Variants in PHYKPL observed in about 807,000 individuals in gnomAD.
PHYKPL encodes 5-phosphohydroxy-L-lysine phospho-lyase, also known as 5-phosphonooxy-L-lysine phospho-lyase.
Under a neutral mutation model 51.3 loss-of-function variants are expected in PHYKPL, and 42 were observed. That is an observed-to-expected ratio of 0.82 (90% CI 0.64 to 1.06). The LOEUF (loss-of-function observed/expected upper bound fraction) is 1.06. Ranked by LOEUF, PHYKPL falls within the 50% of genes least tolerant of loss-of-function variation. PHYKPL has a pLI of 0.00. For missense variants in PHYKPL, 655 were observed against 586.6 expected, an observed-to-expected ratio of 1.12 and a Z score of -1.20; for synonymous variants, 264 against 236.0, an observed-to-expected ratio of 1.12 and a Z score of -1.09.
At position 178,211,927 on chromosome 5, in the gene PHYKPL, C is replaced by A; in HGVS notation, c.1347G>T (p.Gln449His). The change falls in exon 12 of 13, where the codon CAG (glutamine) becomes CAT (histidine). Residue 449 changes from glutamine to histidine, a missense_variant. Coordinates refer to ENST00000308158, the MANE Select transcript of PHYKPL (RefSeq NM_153373.4). ...KVRSCETLRLQP is the reference protein window; with the variant it reads ...KVRSCETLRLHP ...TAGGCAGAGCAGGGCTGGCTTAGGG[C>A]TGGAGCCTCAGCGTTTCACAACTTC... The A allele has an allele frequency of 6.2e-7, 1 of 1,613,340 alleles. No individual in the cohort carries two copies. The highest frequency in any genetic ancestry group is 8.5e-7 in the Non-Finnish European group (1 of 1,179,228).
At position 178,229,783 on chromosome 5, in the gene PHYKPL, C is replaced by T. The variant is rs1007022932; in HGVS notation, c.338+157G>A. 1.5e-5 allele frequency: 12 copies of T among 816,154 alleles called. No homozygotes were observed. In the African/African-American group the frequency reaches 2.1e-4, roughly 14 times the overall value. 50.6% of individuals were successfully genotyped at this position (816,154 alleles called of 1,614,324 possible). ...AGGAAACTGGATCCAACAGAGAAAGCATCAGGGCCTACAGCCGGGAATCTC... is the reference window on the plus strand; with the variant it reads ...AGGAAACTGGATCCAACAGAGAAAGTATCAGGGCCTACAGCCGGGAATCTC... On this transcript the variant is annotated intron_variant, in intron 3 of 12. Coordinates refer to ENST00000308158, the MANE Select transcript of PHYKPL (RefSeq NM_153373.4).
At position 178,232,480 on chromosome 5, in the gene PHYKPL, C is replaced by G. The variant is rs773846659; in HGVS notation, c.59+12G>C. 11 of 1,366,006 alleles carry G rather than the reference C, an allele frequency of 8.1e-6. No homozygotes were observed. The highest frequency in any genetic ancestry group is 1.5e-5 in the African/African-American group (1 of 65,442). The allele number at this position is 1,366,006 out of a possible 1,614,324, so 84.6% of individuals were successfully genotyped here. A position where few individuals can be genotyped will look rare whatever the true frequency, so the allele number is the denominator to read the frequency against. On this transcript the variant is annotated intron_variant, in intron 1 of 12. Coordinates refer to ENST00000308158, the MANE Select transcript of PHYKPL (RefSeq NM_153373.4). ...CCCCGCGCCCCCCGCCGCCCGCCCC[C>G]CGCCCGGGTACCTGATGAGCCGTTG...
chr5:178,210,767 A>T, intron 12 of PHYKPL: 1 of 682,142 alleles, frequency 1.5e-6, no homozygotes, highest in Non-Finnish European at 2.6e-6. Flanking sequence ...CATGGAAATC[A>T]CTCTCCTGTT....
Position 178,231,334 on chromosome 5 carries a change from G to A in PHYKPL, c.178+71C>T. On this transcript the variant is annotated intron_variant, in intron 2 of 12. Transcript: ENST00000308158. ...TTCTCCACACCTCTCGGCAATCTCA[G>A]GTCACCTTGGGACCAGGTTCACAGC... 3.7e-6 allele frequency: 6 copies of A among 1,609,330 alleles called. No homozygotes were observed. In the South Asian group the frequency reaches 4.4e-5, roughly 12 times the overall value.
intron 1 of PHYKPL, chr5:178,232,245 C>T (rs768982203): frequency 1.6e-5 from 20 of 1,236,314 alleles, no homozygotes; most frequent in Non-Finnish European, 1.9e-5. Context: ...GTCTCCTGAA[C>T]TGGGCGGCCT....
intron 3 of PHYKPL, chr5:178,228,384 T>G (rs747664271): frequency 1.8e-4 from 112 of 618,416 alleles, no homozygotes; most frequent in Non-Finnish European, 2.7e-4. Context: ...TGGGACAGAG[T>G]AAGACAATGC....
rs549466724 is a variant in PHYKPL, at chr5:178,211,069, ATGTAT to A, written c.*31+816_*31+820del. On this transcript the variant is annotated intron_variant, in intron 12 of 12. Transcript: ENST00000308158. ...CTTTTTGGTACCTTTTGGGAATCTA[ATGTAT>A]TGTAAGGTATTTTACACGTGTCCTG... The A allele has an allele frequency of 1.8e-4, 34 of 187,888 alleles. 1 individual carries two copies. The South Asian group carries it at 2.9e-3, about 16-fold the overall frequency. The allele number at this position is 187,888 out of a possible 1,614,324, so 11.6% of individuals were successfully genotyped here.
Position 178,211,746 on chromosome 5 carries a change from G to C in PHYKPL, c.*31+144C>G. On this transcript the variant is annotated intron_variant, in intron 12 of 12. Coordinates refer to ENST00000308158, the MANE Select transcript of PHYKPL (RefSeq NM_153373.4). Reference sequence around the variant, plus strand: ...AGCTAAGCATTGGAGAATTTCCAGTGTTGAAGAAACTAACCTTTGGGAAGG... The same window carrying C: ...AGCTAAGCATTGGAGAATTTCCAGTCTTGAAGAAACTAACCTTTGGGAAGG... 8.1e-6 allele frequency: 5 copies of C among 617,420 alleles called. No individual in the cohort carries two copies. The South Asian group carries it at 1.0e-4, about 12-fold the overall frequency. 38.2% of individuals were successfully genotyped at this position (617,420 alleles called of 1,614,324 possible).
intron 4 of PHYKPL, among the ~76,000 whole-genome samples, 187 bp downstream of exon 4, chr5:178,225,168 G>C (rs1363934225): frequency 6.6e-6 from 1 of 152,184 alleles, no homozygotes; most frequent in Non-Finnish European, 1.5e-5. Context: ...TGCCTTCCCA[G>C]AATGGTGGCC....
chr5:178,232,070 T>G (rs67412107), intron 1 of PHYKPL: 67,317 of 1,188,814 alleles, frequency 0.057, 2,542 homozygotes, highest in South Asian at 0.17. Flanking sequence ...GACTCTCCCT[T>G]GTCTGCCCTT....
chr5:178,226,594 G>T (rs1247704622), intron 3 of PHYKPL: 1 of 152,210 alleles, frequency 6.6e-6, no homozygotes, highest in Non-Finnish European at 1.5e-5. Flanking sequence ...TAGAACCTCT[G>T]TATGTTCAGT....
intron 7 of PHYKPL, 86 bp downstream of exon 7, chr5:178,222,766 A>G (rs1163777142): frequency 6.7e-7 from 1 of 1,485,998 alleles, no homozygotes; most frequent in Non-Finnish European, 9.3e-7. Context: ...CAGTCAGGAC[A>G]GGCTGAGGTT....
Position 178,229,964 on chromosome 5 carries a change from C to G in PHYKPL, c.314G>C (p.Cys105Ser). 3 of 1,614,126 alleles carry G rather than the reference C, an allele frequency of 1.9e-6. No homozygotes were observed. Among genetic ancestry groups the G allele is most frequent in the Non-Finnish European group, 2.5e-6 (3 of 1,179,956 alleles). Reference protein sequence around the residue: ...RLSETLPEQLCVFYFLNSGSE... With the variant: ...RLSETLPEQLSVFYFLNSGSE... ...CCCAGAATTCAGGAAATAGAACACA[C>G]AGAGCTGCTCCGGCAGGGTCTCTGA... Residue 105 changes from cysteine to serine, a missense_variant, in exon 3 of 13, where the codon TGT becomes TCT. Physicochemically the swap from Cys to Ser is moderately radical, Grantham distance 112. Coordinates refer to ENST00000308158, the MANE Select transcript of PHYKPL (RefSeq NM_153373.4).
chr5:178,209,438 G>A (rs770373329), intron 12 of PHYKPL: 10 of 1,613,674 alleles, frequency 6.2e-6, no homozygotes, highest in Non-Finnish European at 8.5e-6. Flanking sequence ...AGGTGGTGGT[G>A]GAGGTGGAGG....
chr5:178,222,577 G>A lies in PHYKPL; in HGVS notation c.705C>T (p.His235=). ...CAAAGACCCCTCCGGCCTTGCGGAT[G>A]TGCCTGTGGCAGAGGAGATGACTGA... The part of the protein sequence containing the change: ...PAGYFSQVAE[H]IRKAGGVFVA... The change falls in exon 8 of 13, where the codon CAC becomes CAT. Residue 235 remains histidine, a synonymous_variant. Coordinates refer to ENST00000308158, the MANE Select transcript of PHYKPL (RefSeq NM_153373.4). 1 of 1,614,112 alleles carries A rather than the reference G, an allele frequency of 6.2e-7. No individual in the cohort carries two copies.
At chr5:178,227,837 T>C (rs962229152) in intron 3 of PHYKPL, among the ~76,000 whole-genome samples, 12 of 151,884 alleles carry the variant, frequency 7.9e-5, no homozygotes, top group African/African-American at 2.9e-4. Flanking sequence ...GTGGTGGCCA[T>C]GGAGATGGAG....
intron 10 of PHYKPL, among the ~76,000 whole-genome samples, chr5:178,213,620 T>C (rs1759122108): frequency 6.6e-6 from 1 of 152,254 alleles, no homozygotes; most frequent in African/African-American, 2.4e-5. Context: ...ACATCATTTG[T>C]AGCTAATAAT....
chr5:178,223,768 A>G (rs1300047668), intron 6 of PHYKPL: 7 of 316,614 alleles, frequency 2.2e-5, no homozygotes, highest in Non-Finnish European at 3.7e-5. Flanking sequence ...TGTCGCCAAC[A>G]GTCTTCCCTC....
At chr5:178,210,474 C>G in intron 12 of PHYKPL, 7 of 1,510,780 alleles carry the variant, frequency 4.6e-6, no homozygotes, top group Non-Finnish European at 6.4e-6. Flanking sequence ...GGTGAGGGTC[C>G]TGGGAAGATG....
Sources: allele counts gnomAD v4.1 joint callset (sites outside exome capture counted in the v4.1 genomes callset), GRCh38; gene constraint gnomAD v4.1.1; transcripts MANE v1.5; gene names NCBI Gene and HGNC (gene_info 2026-07-23, HGNC 2026-07-21).